Variants in MTREX observed in about 807,000 individuals in gnomAD.
MTREX encodes the protein exosome RNA helicase MTR4.
MTREX carries 76 observed loss-of-function variants against 135.4 expected under a neutral mutation model. The ratio of observed to expected loss-of-function variants is 0.56; its 90% CI spans 0.47 to 0.68. The LOEUF is 0.68. MTREX is among the 30% of genes least tolerant of loss of function. The pLI is 0.00. For synonymous variants in MTREX, 404 were observed against 401.6 expected (o/e 1.01, Z -0.07); for missense variants, 920 against 1,262.1 (o/e 0.73, Z 4.11).
intron 24 of MTREX, 62 bp from the exon 25 acceptor site, chr5:55,415,908 C>A (rs1750958814): frequency 2.4e-6 from 3 of 1,234,506 alleles, no homozygotes; most frequent in African/African-American, 1.6e-5. Context: ...GCTTGGAAAC[C>A]TAAAGAATAA....
chr5:55,324,478 G>T (rs1484609313), intron 3 of MTREX: 1 of 126,384 alleles, frequency 7.9e-6, no homozygotes, highest in African/African-American at 3.9e-5. Flanking sequence ...GCAGAGGTTC[G>T]CTGTTGTCGA....
At chr5:55,421,690 G>A (rs1355510050) in intron 25 of MTREX, among the ~76,000 whole-genome samples, 2 of 152,178 alleles carry the variant, frequency 1.3e-5, no homozygotes, top group Non-Finnish European at 2.9e-5. Context: ...TCAAAACAAT[G>A]TTTGAGAATG....
At chr5:55,315,371 A>AT (rs1749181792) in intron 1 of MTREX, among the ~76,000 whole-genome samples, 2 of 152,040 alleles carry the variant, frequency 1.3e-5, no homozygotes, top group African/African-American at 4.8e-5. Flanking sequence ...TTGCTCTTGG[A>AT]TTTTTTGTCA....
intron 4 of MTREX, among the ~76,000 whole-genome samples, chr5:55,328,380 T>C (rs1042168171): frequency 3.9e-5 from 6 of 152,104 alleles, no homozygotes; most frequent in Admixed American, 6.5e-5. Context: ...TAATAATATA[T>C]GGAAAATGTG....
rs1748991935 is a variant in MTREX, at chr5:55,308,068, ACTG to A, written c.57_59del (p.Ala21del). On this transcript the variant is annotated inframe_deletion, in exon 1 of 27. Coordinates refer to ENST00000230640, the MANE Select transcript of MTREX (RefSeq NM_015360.5). ...CAGCGTGTTCGAGGGCGACTCGACC[ACTG>A]CGGCGGGAACCAAAAAAGACAAGGA... 1 of 1,613,996 alleles carries A rather than the reference ACTG, an allele frequency of 6.2e-7. No homozygotes were observed. The highest frequency in any genetic ancestry group is 1.1e-5 in the South Asian group (1 of 91,078).
intron 6 of MTREX, among the ~76,000 whole-genome samples, chr5:55,341,360 T>C (rs1320408116): frequency 6.6e-6 from 1 of 152,194 alleles, no homozygotes; most frequent in Admixed American, 6.5e-5. Flanking sequence ...TAGAAGGAAG[T>C]TGCATCATGT....
chr5:55,332,312 A>G lies in MTREX; in HGVS notation c.515+3501A>G, dbSNP rs146337298. On this transcript the variant is annotated intron_variant, in intron 5 of 26. Transcript: ENST00000230640. ...TGATTTAACTTTTACAATTTATAAC[A>G]TATTTCTCTATGACCTTTCCAGTTG... is the stretch of plus-strand genomic sequence containing the variant. Among the ~76,000 whole-genome samples, 335 of 152,346 alleles carry G rather than the reference A, an allele frequency of 2.2e-3. 1 individual carries two copies. Among genetic ancestry groups the G allele is most frequent in the African/African-American group, 7.7e-3 (321 of 41,580 alleles).
intron 18 of MTREX, among the ~76,000 whole-genome samples, chr5:55,383,193 T>G (rs1750425114): frequency 6.6e-6 from 1 of 152,196 alleles, no homozygotes; most frequent in African/African-American, 2.4e-5. Context: ...TACAACTGCT[T>G]TTTAAATCAT....
intron 15 of MTREX, among the ~76,000 whole-genome samples, chr5:55,363,330 A>G (rs945400769): frequency 5.9e-5 from 9 of 152,220 alleles, no homozygotes; most frequent in African/African-American, 1.9e-4. Context: ...TGAACCATAT[A>G]TTCTAAAATG....
At chr5:55,391,396 G>A (rs764182856) in intron 19 of MTREX, among the ~76,000 whole-genome samples, 48 of 152,184 alleles carry the variant, frequency 3.2e-4, no homozygotes, top group Middle Eastern at 3.4e-3. Flanking sequence ...GCAGTGAGCC[G>A]TGACCATGCC....
chr5:55,387,847 A>G, intron 18 of MTREX, 127 bp from the exon 19 acceptor site: 2 of 697,668 alleles, frequency 2.9e-6, no homozygotes, highest in Non-Finnish European at 4.2e-6. Flanking sequence ...TAAAATAAGT[A>G]TGTATTACAC....
intron 20 of MTREX, 48 bp from the exon 21 acceptor site, chr5:55,400,181 TCTTA>T (rs1466922113): frequency 7.3e-7 from 1 of 1,366,434 alleles, no homozygotes; most frequent in Non-Finnish European, 1.0e-6. Flanking sequence ...TTTGGTTTGG[TCTTA>T]CTAATTTTGA....
chr5:55,383,689 T>C (rs1039332033), intron 18 of MTREX, among the ~76,000 whole-genome samples: 9 of 152,248 alleles, frequency 5.9e-5, no homozygotes, highest in Non-Finnish European at 1.3e-4. Flanking sequence ...ATCCTACTTG[T>C]ACTTTATTGA....
intron 22 of MTREX, among the ~76,000 whole-genome samples, chr5:55,408,106 T>G (rs1750834037): frequency 6.6e-6 from 1 of 152,142 alleles, no homozygotes. Flanking sequence ...CAGTGATTCC[T>G]TATTGCTTTT....
At chr5:55,336,899 A>G (rs747839790) in intron 5 of MTREX, among the ~76,000 whole-genome samples, 5 of 152,170 alleles carry the variant, frequency 3.3e-5, no homozygotes, top group Non-Finnish European at 5.9e-5. Context: ...AGTCTTTGGC[A>G]TTGGTGTCGG....
chr5:55,379,094 G>T, intron 17 of MTREX, 33 bp from the exon 18 acceptor site: 1 of 1,502,120 alleles, frequency 6.7e-7, no homozygotes, highest in South Asian at 1.1e-5. Context: ...ATATACATTT[G>T]ATTCTTGCTT....
In MTREX at chr5:55,398,540, CTTA is replaced by C. The variant is rs202164973; in HGVS notation, c.2292+1016_2292+1018del. ...TATTGGTCTGGTAGTAAATAAATAT[CTTA>C]TAAGTTCATTGAAATTGTTTTTTCT... On this transcript the variant is annotated intron_variant, in intron 20 of 26. Coordinates refer to ENST00000230640, the MANE Select transcript of MTREX (RefSeq NM_015360.5). Among the ~76,000 whole-genome samples the C allele has an allele frequency of 2.7e-4, 41 of 152,252 alleles. No homozygotes were observed. The East Asian group carries it at 6.9e-3, about 26-fold the overall frequency.
chr5:55,366,149 A>G (rs574883336), intron 15 of MTREX, among the ~76,000 whole-genome samples: 2 of 152,298 alleles, frequency 1.3e-5, no homozygotes, highest in South Asian at 4.1e-4. Flanking sequence ...TATACTGTCT[A>G]GTCATTAGTC....
At chr5:55,402,393 C>G (rs746689246) in intron 21 of MTREX, among the ~76,000 whole-genome samples, 65 of 152,302 alleles carry the variant, frequency 4.3e-4, no homozygotes, top group Non-Finnish European at 6.9e-4. Context: ...TCCATGGCCA[C>G]CAGGGTCGGC....
Sources: gnomAD v4.1 joint callset for allele counts (sites outside exome capture counted in the v4.1 genomes callset) on GRCh38, gnomAD v4.1.1 for gene constraint, MANE v1.5 for transcripts, NCBI Gene and HGNC (gene_info 2026-07-23, HGNC 2026-07-21) for gene names.